The following RNF130 variants were observed in gnomAD, a reference collection of about 807,000 sequenced individuals.
RNF130 encodes E3 ubiquitin-protein ligase RNF130.
RNF130 carries 21 observed loss-of-function variants against 44.6 expected under a neutral mutation model. That is an observed-to-expected ratio of 0.47 (90% confidence interval 0.33 to 0.68). RNF130 has a LOEUF of 0.68. Among genes scored for constraint, RNF130 ranks in the 30% least tolerant of loss-of-function variants. The pLI is 0.02. For missense variants in RNF130, 479 were observed against 560.6 expected (o/e 0.85, Z 1.47); for synonymous variants, 214 against 210.4 (o/e 1.02, Z -0.15).
At chr5:179,982,566 G>GTGTTT (rs71591449) in intron 3 of RNF130, among the ~76,000 whole-genome samples, 47,286 of 150,606 alleles carry the variant, frequency 0.31, 8,598 homozygotes, top group African/African-American at 0.51. Context: ...GTGAGATTTT[G>GTGTTT]TGTTTTGTTT....
At chr5:179,914,147 C>T (rs950015639) in exon 8 of RNF130, 3 of 152,240 alleles carry the variant, frequency 2.0e-5, no homozygotes, top group African/African-American at 7.2e-5. Flanking sequence ...CTTTGGAATG[C>T]TTTACCAACA....
intron 6 of RNF130, among the ~76,000 whole-genome samples, chr5:179,968,083 C>G (rs1018946124): frequency 6.6e-6 from 1 of 150,988 alleles, no homozygotes; most frequent in African/African-American, 2.4e-5. Flanking sequence ...ATCACGAGGT[C>G]AGGAGATCGA....
chr5:180,029,938 TC>T (rs1764089779), intron 2 of RNF130, among the ~76,000 whole-genome samples: 2 of 151,478 alleles, frequency 1.3e-5, no homozygotes, highest in Admixed American at 1.3e-4. Flanking sequence ...AACCTCTGCC[TC>T]CTGGGTTCAA....
chr5:179,983,621 A>G (rs950619643), intron 3 of RNF130, among the ~76,000 whole-genome samples: 2 of 152,086 alleles, frequency 1.3e-5, no homozygotes, highest in African/African-American at 2.4e-5. Context: ...GTTTTTCTTG[A>G]TATTTTGCAT....
At chr5:180,058,952 A>G (rs536511814) in intron 1 of RNF130, among the ~76,000 whole-genome samples, 2 of 152,328 alleles carry the variant, frequency 1.3e-5, no homozygotes, top group South Asian at 4.1e-4. Context: ...ATGACTTAAC[A>G]GTTAGATGGT....
At chr5:179,950,633 G>A (rs1011047405), downstream of RNF130, among the ~76,000 whole-genome samples, 1 of 151,520 alleles carries the variant, frequency 6.6e-6, no homozygotes, top group Non-Finnish European at 1.5e-5. Context: ...TAAGACTGAT[G>A]GGAAGTCCCA....
chr5:180,045,894 A>G (rs1460237441), intron 1 of RNF130, among the ~76,000 whole-genome samples: 1 of 152,050 alleles, frequency 6.6e-6, no homozygotes, highest in Non-Finnish European at 1.5e-5. Flanking sequence ...GTTCTCCAAG[A>G]CCCCACCCAA....
intron 7 of RNF130, among the ~76,000 whole-genome samples, chr5:179,920,729 A>G (rs1761615945): frequency 6.6e-6 from 1 of 151,828 alleles, no homozygotes; most frequent in Non-Finnish European, 1.5e-5. Flanking sequence ...TCCTGGGCAC[A>G]TGATCTTATG....
At chr5:179,997,007 TTTGA>T (rs1248394454) in intron 3 of RNF130, among the ~76,000 whole-genome samples, 2 of 152,246 alleles carry the variant, frequency 1.3e-5, no homozygotes, top group African/African-American at 4.8e-5. Flanking sequence ...AACTGGTCTG[TTTGA>T]TCAGGTTTTC....
chr5:180,009,914 G>A (rs777500194), intron 3 of RNF130, among the ~76,000 whole-genome samples: 4 of 151,756 alleles, frequency 2.6e-5, no homozygotes, highest in East Asian at 3.8e-4. Flanking sequence ...GATATAGTTC[G>A]GCCATAAAAA....
At chr5:179,963,115 C>G (rs938069279) in intron 8 of RNF130, among the ~76,000 whole-genome samples, 1 of 152,238 alleles carries the variant, frequency 6.6e-6, no homozygotes, top group Non-Finnish European at 1.5e-5. Flanking sequence ...GTGTGATGAA[C>G]GCAAAGTGGG....
rs552229114 is a variant in RNF130 at position 180,023,746 on chromosome 5, G to A, written c.443-10435C>T. Among the ~76,000 whole-genome samples the A allele has an allele frequency of 2.2e-3, 329 of 152,238 alleles. 1 individual carries two copies. The highest frequency in any genetic ancestry group is 7.5e-3 in the African/African-American group (310 of 41,554). On this transcript the variant is annotated intron_variant, in intron 2 of 8. Transcript: ENST00000521389. ...TGAATAAATTAATAAATGGAGCAGAGGCAAATCACCCATGCAGAAAAATTC... is the reference window on the plus strand; with the variant it reads ...TGAATAAATTAATAAATGGAGCAGAAGCAAATCACCCATGCAGAAAAATTC...
intron 1 of RNF130, among the ~76,000 whole-genome samples, chr5:180,058,408 T>A (rs557623783): frequency 3.3e-5 from 5 of 152,340 alleles, no homozygotes; most frequent in African/African-American, 1.2e-4. Context: ...ACAACACAGA[T>A]GAACCTGAGG....
At chr5:180,011,056 T>C (rs1273694648) in intron 3 of RNF130, among the ~76,000 whole-genome samples, 3 of 152,242 alleles carry the variant, frequency 2.0e-5, no homozygotes, top group Non-Finnish European at 4.4e-5. Context: ...GTATTTGTAT[T>C]ATCTCTTACA....
rs530438896 is a variant in RNF130, at chr5:180,041,544, G to A, written c.248-897C>T. ...CTGCAAATCTTAAGAAGAAGCCCCC[G>A]GCTGCTCTTCCCACTCCCACTTTCA... is the stretch of plus-strand genomic sequence containing the variant. On this transcript the variant is annotated intron_variant, in intron 1 of 8. Coordinates refer to ENST00000521389, the MANE Select transcript of RNF130 (RefSeq NM_018434.6). Among the ~76,000 whole-genome samples the A allele has an allele frequency of 1.4e-4, 21 of 152,214 alleles. No individual in the cohort carries two copies. The East Asian group carries it at 3.7e-3, about 27-fold the overall frequency.
At position 180,068,598 on chromosome 5, in the gene RNF130, T is replaced by C. The variant is rs368708175; in HGVS notation, c.247+2858A>G. 2.0e-5 allele frequency among the ~76,000 whole-genome samples: 3 copies of C among 152,234 alleles called. No homozygotes were observed. In the East Asian group the frequency reaches 5.8e-4, roughly 29 times the overall value. ...AAGAAAAAAATTGACTATTTGCTCTTTAAAGGGATAGGACAAATAAATGTT... is the reference window on the plus strand; with the variant it reads ...AAGAAAAAAATTGACTATTTGCTCTCTAAAGGGATAGGACAAATAAATGTT... On this transcript the variant is annotated intron_variant, in intron 1 of 8. Coordinates refer to ENST00000521389, the MANE Select transcript of RNF130 (RefSeq NM_018434.6).
chr5:180,051,132 A>C (rs1764677217), intron 1 of RNF130, among the ~76,000 whole-genome samples: 1 of 152,022 alleles, frequency 6.6e-6, no homozygotes, highest in Non-Finnish European at 1.5e-5. Flanking sequence ...AGTAAACTAA[A>C]TGTGTTTCTT....
chr5:180,032,846 T>C (rs1764160764), intron 2 of RNF130, among the ~76,000 whole-genome samples: 1 of 152,228 alleles, frequency 6.6e-6, no homozygotes, highest in Admixed American at 6.5e-5. Flanking sequence ...TATCAATTTC[T>C]ACAAAACACA....
chr5:179,960,555 CA>C (rs902784837), intron 8 of RNF130, among the ~76,000 whole-genome samples: 31 of 152,324 alleles, frequency 2.0e-4, no homozygotes, highest in African/African-American at 7.5e-4. Flanking sequence ...CCACCCATGA[CA>C]GGGGGCCCTA....
Sources: gnomAD v4.1 joint callset for allele counts (sites outside exome capture counted in the v4.1 genomes callset) on GRCh38, gnomAD v4.1.1 for gene constraint, MANE v1.5 for transcripts, NCBI Gene and HGNC (gene_info 2026-07-23, HGNC 2026-07-21) for gene names.